The following FSTL5 variants were observed in gnomAD, a reference collection of about 807,000 sequenced individuals.
The protein encoded by FSTL5 is follistatin-related protein 5.
FSTL5 carries 62 observed loss-of-function variants against 89.1 expected under a neutral mutation model. That is an observed-to-expected ratio of 0.70 (90% CI 0.57 to 0.86). The LOEUF is 0.86. Among genes scored for constraint, FSTL5 ranks in the 40% least tolerant of loss-of-function variants. The probability of loss-of-function intolerance (pLI) is 0.00; values close to 1 mark genes in which losing one functional copy is unlikely to be tolerated. For missense variants in FSTL5, 1,057 were observed against 1,001.6 expected, an observed-to-expected ratio of 1.06 and a Z score of -0.75; for synonymous variants, 383 against 346.2, an observed-to-expected ratio of 1.11 and a Z score of -1.18.
At chr4:161,769,423 C>G (rs566990356) in intron 5 of FSTL5, among the ~76,000 whole-genome samples, 1 of 151,720 alleles carries the variant, frequency 6.6e-6, no homozygotes, top group Non-Finnish European at 1.5e-5. Context: ...TAAACATTGA[C>G]GCAAAAGTCC....
rs1324953520 is a variant in FSTL5, at chr4:162,033,639, C to T, written c.146G>A (p.Ser49Asn). The T allele has an allele frequency of 2.7e-6, 4 of 1,495,932 alleles. No homozygotes were observed. Among genetic ancestry groups the T allele is most frequent in the African/African-American group, 2.8e-5 (2 of 72,062 alleles). 92.7% of individuals were successfully genotyped at this position (1,495,932 alleles called of 1,614,324 possible). A position where few individuals can be genotyped will look rare whatever the true frequency, so the allele number is the denominator to read the frequency against. The change falls in exon 3 of 16, where the codon AGT becomes AAT. Residue 49 changes from serine to asparagine, a missense_variant. This residue lies in a region of FSTL5 where 980 missense variants were observed against 903.2 expected (regional missense o/e 1.08). Coordinates refer to ENST00000306100, the MANE Select transcript of FSTL5 (RefSeq NM_020116.5). Reference sequence around the variant, plus strand: ...TCATTTCTTACCTTTGACTCTTGAACTTTCTTGATTTTTTTCCTGCTGGAA... The same window carrying T: ...TCATTTCTTACCTTTGACTCTTGAATTTTCTTGATTTTTTTCCTGCTGGAA... ...LRHKQEKNQE[S>N]SRVKGFMIQD... is the part of the protein sequence containing the mutation.
At chr4:161,646,250 GCT>G (rs1021459993) in intron 7 of FSTL5, among the ~76,000 whole-genome samples, 3 of 146,754 alleles carry the variant, frequency 2.0e-5, no homozygotes, top group Admixed American at 6.8e-5. Context: ...ATTTTTTCTA[GCT>G]CTCTCTCTAT....
chr4:161,721,070 A>G (rs1156738743), intron 6 of FSTL5, among the ~76,000 whole-genome samples: 4 of 151,316 alleles, frequency 2.6e-5, no homozygotes, highest in African/African-American at 9.7e-5. Context: ...TGAGGTCAGG[A>G]GATCGAGACC....
chr4:161,709,732 G>C (rs1194150146), intron 6 of FSTL5, among the ~76,000 whole-genome samples: 1 of 152,028 alleles, frequency 6.6e-6, no homozygotes, highest in East Asian at 1.9e-4. Context: ...GGAGGTTGAG[G>C]CTTCAGTGAG....
At chr4:161,671,192 G>C (rs112202981) in intron 6 of FSTL5, among the ~76,000 whole-genome samples, 1 of 152,062 alleles carries the variant, frequency 6.6e-6, no homozygotes, top group East Asian at 1.9e-4. Flanking sequence ...ATCACCACAC[G>C]TGTGCAACTA....
In FSTL5 at chr4:161,775,499, T is replaced by A. The variant is rs374076825; in HGVS notation, c.606+379A>T. Among the ~76,000 whole-genome samples, 627 of 152,280 alleles carry A rather than the reference T, an allele frequency of 4.1e-3. 27 individuals are homozygous for A. In the South Asian group the frequency reaches 0.098, roughly 24 times the overall value. On this transcript the variant is annotated intron_variant, in intron 5 of 15. Coordinates refer to ENST00000306100, the MANE Select transcript of FSTL5 (RefSeq NM_020116.5). Reference sequence around the variant, plus strand: ...GTTATAAATGTGCTCAGTTGTTCGGTAGTGCCCTTGAATATTGGATAAATC... The same window carrying A: ...GTTATAAATGTGCTCAGTTGTTCGGAAGTGCCCTTGAATATTGGATAAATC...
rs72982663 is a variant in FSTL5 at position 162,100,758 on chromosome 4, T to G, written c.126+10513A>C. ...TAATAAAGGGAGGGCTGTGCATGTG[T>G]GGGGGAGGGGGTATAGAGTGACTCT... On this transcript the variant is annotated intron_variant, in intron 2 of 15. Coordinates refer to ENST00000306100, the MANE Select transcript of FSTL5 (RefSeq NM_020116.5). Among the ~76,000 whole-genome samples the G allele has an allele frequency of 6.3e-3, 953 of 152,162 alleles. 6 individuals are homozygous for G. Among genetic ancestry groups the G allele is most frequent in the African/African-American group, 0.022 (913 of 41,502 alleles).
chr4:161,459,076 C>G, intron 14 of FSTL5, 136 bp downstream of exon 14: 1 of 580,982 alleles, frequency 1.7e-6, no homozygotes, highest in Non-Finnish European at 2.9e-6. Context: ...TTGCCTTTTT[C>G]TGTGCCTATC....
intron 6 of FSTL5, among the ~76,000 whole-genome samples, chr4:161,684,920 T>A (rs1213908787): frequency 6.6e-6 from 1 of 152,160 alleles, no homozygotes; most frequent in African/African-American, 2.4e-5. Context: ...CCATCTTGAG[T>A]TTTTGTATAA....
intron 7 of FSTL5, among the ~76,000 whole-genome samples, chr4:161,648,374 T>C (rs988907692): frequency 2.0e-5 from 3 of 152,138 alleles, no homozygotes; most frequent in African/African-American, 7.2e-5. Flanking sequence ...CTGTAGAGGT[T>C]TGAGCAGCGG....
At chr4:161,720,084 C>A (rs1739139288) in intron 6 of FSTL5, among the ~76,000 whole-genome samples, 1 of 151,050 alleles carries the variant, frequency 6.6e-6, no homozygotes, top group Non-Finnish European at 1.5e-5. Flanking sequence ...TTCTCCTCAG[C>A]AAGGGAAAGA....
At chr4:162,004,648 G>A (rs761144215) in intron 3 of FSTL5, among the ~76,000 whole-genome samples, 6 of 151,962 alleles carry the variant, frequency 3.9e-5, no homozygotes, top group African/African-American at 1.2e-4. Flanking sequence ...ACACATCTTT[G>A]CTTTCTTTCC....
At chr4:161,706,544 T>A (rs1413257567) in intron 6 of FSTL5, among the ~76,000 whole-genome samples, 1 of 152,048 alleles carries the variant, frequency 6.6e-6, no homozygotes, top group Non-Finnish European at 1.5e-5. Context: ...TTAGGATAAC[T>A]CTTAACAATC....
intron 4 of FSTL5, among the ~76,000 whole-genome samples, chr4:161,910,779 A>G (rs906882747): frequency 6.6e-6 from 1 of 152,166 alleles, no homozygotes; most frequent in Non-Finnish European, 1.5e-5. Context: ...TGTAATCTAA[A>G]CATAGAAATA....
chr4:161,482,470 T>G (rs1729546730), intron 12 of FSTL5, among the ~76,000 whole-genome samples: 1 of 152,224 alleles, frequency 6.6e-6, no homozygotes, highest in African/African-American at 2.4e-5. Context: ...CTAAGCTAAT[T>G]TAGAACACTA....
intron 2 of FSTL5, among the ~76,000 whole-genome samples, chr4:162,065,300 A>G (rs556444327): frequency 9.9e-5 from 15 of 152,156 alleles, no homozygotes; most frequent in African/African-American, 3.6e-4. Flanking sequence ...CAAACCATAT[A>G]TCTGATAAAC....
chr4:161,930,113 T>C lies in FSTL5; in HGVS notation c.161-9461A>G, dbSNP rs74966410. Among the ~76,000 whole-genome samples, 1,802 of 151,922 alleles carry C rather than the reference T, an allele frequency of 0.012. 88 individuals carry two copies. In the East Asian group the frequency reaches 0.16, roughly 13 times the overall value. On this transcript the variant is annotated intron_variant, in intron 3 of 15. Transcript: ENST00000306100. The stretch of plus-strand genomic sequence containing the variant: ...TCATAATCAGTGATGTAGTGATTAG[T>C]GCTTAACAAAAGGCACTGTGTTTGT...
chr4:161,701,935 T>C (rs1738405862), intron 6 of FSTL5, among the ~76,000 whole-genome samples: 1 of 152,138 alleles, frequency 6.6e-6, no homozygotes, highest in African/African-American at 2.4e-5. Flanking sequence ...CATACAAATA[T>C]GTTAATTTAC....
intron 15 of FSTL5, among the ~76,000 whole-genome samples, chr4:161,436,318 C>T (rs778881569): frequency 6.6e-6 from 1 of 152,158 alleles, no homozygotes; most frequent in Non-Finnish European, 1.5e-5. Context: ...ACATACTTTC[C>T]TAGTTTCTTC....
Sources: gnomAD v4.1 joint callset for allele counts (sites outside exome capture counted in the v4.1 genomes callset) on GRCh38, gnomAD v4.1.1 for gene constraint, gnomAD v4.1.1 regional missense constraint, MANE v1.5 for transcripts, NCBI Gene and HGNC (gene_info 2026-07-23, HGNC 2026-07-21) for gene names.